The following GARIN1B variants were observed in gnomAD, a reference collection of about 807,000 sequenced individuals.
GARIN1B encodes Golgi-associated RAB2 interactor protein 1B.
At chr7:128,709,912 C>T in the GARIN1B span, among the ~76,000 whole-genome samples, 27 of 151,930 alleles carry the variant, frequency 1.8e-4, no homozygotes, top group South Asian at 2.3e-3. Flanking sequence ...CCACCACGCC[C>T]GGCTAATTTT....
At chr7:128,718,851 T>C in the GARIN1B span, 1 of 1,614,108 alleles carries the variant, frequency 6.2e-7, no homozygotes, top group Non-Finnish European at 8.5e-7. Context: ...TTGAGGTTTG[T>C]GGAGCTCCAG....
the GARIN1B span, among the ~76,000 whole-genome samples, chr7:128,711,226 C>T: frequency 0.074 from 11,179 of 151,796 alleles, 818 homozygotes; most frequent in East Asian, 0.25. Flanking sequence ...GAAATAGTGA[C>T]TATTTTAATT....
chr7:128,729,595 A>T, the GARIN1B span, among the ~76,000 whole-genome samples: 2 of 152,284 alleles, frequency 1.3e-5, no homozygotes, highest in African/African-American at 4.8e-5. Context: ...CAGTTAACCC[A>T]TCTGAATCAT....
At chr7:128,722,699 G>C in the GARIN1B span, among the ~76,000 whole-genome samples, 1 of 151,900 alleles carries the variant, frequency 6.6e-6, no homozygotes, top group Non-Finnish European at 1.5e-5. Context: ...AGCTACTTGG[G>C]AGGCTGAGGC....
At chr7:128,719,949 C>T in the GARIN1B span, among the ~76,000 whole-genome samples, 2,905 of 152,056 alleles carry the variant, frequency 0.019, 44 homozygotes, top group South Asian at 0.051. Context: ...ATCCACCCAC[C>T]TCGGCCCACC....
chr7:128,726,812 C>T, the GARIN1B span: 118 of 1,613,808 alleles, frequency 7.3e-5, 1 homozygote, highest in African/African-American at 1.5e-3. Context: ...TTTCCTTGAT[C>T]CTGAAATGGC....
At chr7:128,721,838 T>C in the GARIN1B span, among the ~76,000 whole-genome samples, 1 of 152,234 alleles carries the variant, frequency 6.6e-6, no homozygotes, top group African/African-American at 2.4e-5. Context: ...GTTAAATGCT[T>C]TCTCTGCATC....
At chr7:128,714,127 T>C in the GARIN1B span, 4 of 1,535,966 alleles carry the variant, frequency 2.6e-6, no homozygotes, top group Non-Finnish European at 3.5e-6. Context: ...CTGATGGAAT[T>C]GGATGGTGAG....
chr7:128,709,543 T>C, the GARIN1B span, among the ~76,000 whole-genome samples: 1 of 152,202 alleles, frequency 6.6e-6, no homozygotes, highest in African/African-American at 2.4e-5. Flanking sequence ...CTCAACATTC[T>C]TTCTCCATTG....
the GARIN1B span, chr7:128,724,830 A>G: frequency 1.6e-6 from 2 of 1,289,750 alleles, no homozygotes; most frequent in South Asian, 1.2e-5. Context: ...AGCACTGGTA[A>G]TAAACTGAAA....
chr7:128,728,428 CG>C, the GARIN1B span, among the ~76,000 whole-genome samples: 26 of 116,710 alleles, frequency 2.2e-4, no homozygotes, highest in African/African-American at 8.0e-4. Flanking sequence ...GGTGACAGAG[CG>C]AGACTCAGAC....
At chr7:128,709,750 CTTTTTTT>C in the GARIN1B span, among the ~76,000 whole-genome samples, 5 of 114,618 alleles carry the variant, frequency 4.4e-5, no homozygotes, top group Admixed American at 4.3e-4. Context: ...CTCTCTCTCT[CTTTTTTT>C]TTTTTTTTTT....
At chr7:128,716,257 G>A in the GARIN1B span, among the ~76,000 whole-genome samples, 7 of 152,106 alleles carry the variant, frequency 4.6e-5, no homozygotes, top group African/African-American at 1.7e-4. Context: ...TCCTTGCCTG[G>A]GCTCTCCTCT....
At chr7:128,728,930 A>G in the GARIN1B span, among the ~76,000 whole-genome samples, 1 of 152,206 alleles carries the variant, frequency 6.6e-6, no homozygotes, top group Admixed American at 6.5e-5. Flanking sequence ...ATTTAAACAT[A>G]CATTCAAACA....
the GARIN1B span, among the ~76,000 whole-genome samples, chr7:128,722,736 A>G: frequency 0.019 from 2,919 of 152,066 alleles, 44 homozygotes; most frequent in South Asian, 0.053. Flanking sequence ...CCCAGGAGGC[A>G]GAGGTCTCAG....
At chr7:128,716,983 C>T in the GARIN1B span, 1 of 1,610,574 alleles carries the variant, frequency 6.2e-7, no homozygotes, top group South Asian at 1.1e-5. Context: ...TAGCCCCCAA[C>T]ATCTTCCTGA....
the GARIN1B span, chr7:128,719,184 G>A: frequency 1.6e-6 from 2 of 1,250,420 alleles, no homozygotes; most frequent in African/African-American, 3.0e-5. Context: ...ATCTCAGTGT[G>A]AGGCCTTTTC....
At chr7:128,730,516 C>A in the GARIN1B span, among the ~76,000 whole-genome samples, 1 of 152,148 alleles carries the variant, frequency 6.6e-6, no homozygotes, top group African/African-American at 2.4e-5. Flanking sequence ...AAGGCCCATT[C>A]GTCCATCCAC....
chr7:128,714,343 G>A, the GARIN1B span, among the ~76,000 whole-genome samples: 5 of 152,250 alleles, frequency 3.3e-5, no homozygotes, highest in East Asian at 3.9e-4. Context: ...TTGGGAGGTC[G>A]AGGTGGGCGG....
Sources: allele counts gnomAD v4.1 joint callset (sites outside exome capture counted in the v4.1 genomes callset), GRCh38; gene constraint gnomAD v4.1.1; transcripts MANE v1.5; gene names NCBI Gene and HGNC (gene_info 2026-07-23, HGNC 2026-07-21).